The following TFB1M variants were observed in gnomAD, a reference collection of about 807,000 sequenced individuals.
The protein encoded by TFB1M is dimethyladenosine transferase 1, mitochondrial.
In TFB1M, 27 loss-of-function variants were observed where a neutral mutation model predicts 31.1. The observed-to-expected ratio is 0.87, with a 90% CI of 0.64 to 1.20. The LOEUF is 1.20. Ranked by LOEUF, TFB1M falls within the 50% of genes most tolerant of loss-of-function variation. TFB1M has a pLI of 0.00. For synonymous variants in TFB1M, 166 were observed against 151.8 expected, an observed-to-expected ratio of 1.09 and a Z score of -0.69; for missense variants, 394 against 418.7, an observed-to-expected ratio of 0.94 and a Z score of 0.51.
chr6:155,233,225 A>G, the TFB1M span, among the ~76,000 whole-genome samples: 1 of 152,232 alleles, frequency 6.6e-6, no homozygotes, highest in Non-Finnish European at 1.5e-5. Context: ...ACGCACAGGA[A>G]AGTTGAAAGG....
At chr6:155,259,301 C>T (rs1045223957) in intron 6 of TFB1M, among the ~76,000 whole-genome samples, 2 of 152,218 alleles carry the variant, frequency 1.3e-5, no homozygotes, top group Non-Finnish European at 2.9e-5. Context: ...ACCAGCTCTG[C>T]ACCTTAAGTC....
chr6:155,271,887 T>G (rs981430301), intron 5 of TFB1M, among the ~76,000 whole-genome samples: 1 of 152,210 alleles, frequency 6.6e-6, no homozygotes, highest in African/African-American at 2.4e-5. Context: ...CTTTCAGGTT[T>G]CAACAAATCC....
intron 5 of TFB1M, 110 bp from the exon 6 acceptor site, chr6:155,260,510 CAT>C (rs2114664649): frequency 7.2e-7 from 1 of 1,396,004 alleles, no homozygotes; most frequent in East Asian, 2.3e-5. Context: ...AGCCTGTTTT[CAT>C]AAACAGACCT....
rs1413793818 is a variant in TFB1M at position 155,305,481 on chromosome 6, TTA to T, written c.285+5705_285+5706del. ...TTTATATATATAAATATATATTAAA[TTA>T]TATATATAAATATATATTAAATTAT... On this transcript the variant is annotated intron_variant, in intron 2 of 6. Transcript: ENST00000367166. Among the ~76,000 whole-genome samples, 10 of 21,878 alleles carry T rather than the reference TTA, an allele frequency of 4.6e-4. 2 individuals carry two copies. Among genetic ancestry groups the T allele is most frequent in the Admixed American group, 9.6e-4 (1 of 1,042 alleles). The allele number at this position is 21,878 out of a possible 152,430, so 14.4% of individuals were successfully genotyped here. A position where few individuals can be genotyped will look rare whatever the true frequency, so the allele number is the denominator to read the frequency against.
chr6:155,286,595 G>GTA (rs1166015052), intron 4 of TFB1M, among the ~76,000 whole-genome samples: 1 of 145,864 alleles, frequency 6.9e-6, no homozygotes, highest in African/African-American at 2.5e-5. Context: ...GTATATGTGT[G>GTA]TATATATGTG....
chr6:155,231,589 C>T, the TFB1M span, among the ~76,000 whole-genome samples: 1 of 152,226 alleles, frequency 6.6e-6, no homozygotes, highest in African/African-American at 2.4e-5. Flanking sequence ...CCAGGAGAAA[C>T]TGGATGTGGT....
At chr6:155,266,963 T>C (rs532891487) in intron 5 of TFB1M, among the ~76,000 whole-genome samples, 1 of 145,944 alleles carries the variant, frequency 6.9e-6, no homozygotes, top group African/African-American at 2.5e-5. Flanking sequence ...CTAGAATACT[T>C]TGCTGCCTTT....
At chr6:155,231,048 G>C in the TFB1M span, among the ~76,000 whole-genome samples, 39 of 151,776 alleles carry the variant, frequency 2.6e-4, no homozygotes, top group Admixed American at 8.5e-4. Flanking sequence ...CACCATGTTG[G>C]CCAGGCTGGT....
chr6:155,255,563 A>G (rs1783946342), downstream of TFB1M: 1 of 152,180 alleles, frequency 6.6e-6, no homozygotes, highest in Non-Finnish European at 1.5e-5. Context: ...ATTACTTTGT[A>G]GAAACACCAA....
chr6:155,266,529 C>T (rs1298779666), intron 5 of TFB1M, among the ~76,000 whole-genome samples: 1 of 152,150 alleles, frequency 6.6e-6, no homozygotes, highest in Admixed American at 6.5e-5. Flanking sequence ...ATACAAACTT[C>T]CCCAGTCTCG....
At chr6:155,288,630 T>C (rs1776771038) in intron 4 of TFB1M, among the ~76,000 whole-genome samples, 1 of 152,228 alleles carries the variant, frequency 6.6e-6, no homozygotes, top group South Asian at 2.1e-4. Context: ...GGGGAATATG[T>C]GTCCCAATCC....
At chr6:155,307,136 T>TAC (rs61677970) in intron 2 of TFB1M, among the ~76,000 whole-genome samples, 11,040 of 147,258 alleles carry the variant, frequency 0.075, 500 homozygotes, top group Non-Finnish European at 0.099. Context: ...CTCAAACACA[T>TAC]ACACACACAC....
At chr6:155,243,715 A>G in the TFB1M span, among the ~76,000 whole-genome samples, 1 of 151,716 alleles carries the variant, frequency 6.6e-6, no homozygotes, top group Non-Finnish European at 1.5e-5. Flanking sequence ...AGTGTGGTGG[A>G]GCACACCTGT....
intron 3 of TFB1M, among the ~76,000 whole-genome samples, chr6:155,297,525 A>G (rs1777232110): frequency 6.6e-6 from 1 of 152,222 alleles, no homozygotes; most frequent in East Asian, 1.9e-4. Context: ...CGTAGGTGGT[A>G]AGTGAAACCA....
chr6:155,250,978 G>C, the TFB1M span: 1 of 1,614,142 alleles, frequency 6.2e-7, no homozygotes, highest in South Asian at 1.1e-5. Context: ...ATCCATTTCT[G>C]TCTCTAGGAA....
downstream of TFB1M, chr6:155,253,906 C>T (rs1032897259): frequency 3.4e-5 from 41 of 1,222,300 alleles, no homozygotes; most frequent in South Asian, 5.5e-4. Flanking sequence ...TTCAACTTTA[C>T]AAGTGTTCTT....
intron 2 of TFB1M, among the ~76,000 whole-genome samples, chr6:155,300,546 A>C (rs1267257456): frequency 6.6e-6 from 1 of 152,244 alleles, no homozygotes; most frequent in East Asian, 1.9e-4. Context: ...TTATGTTCAC[A>C]AAGTTAAAAC....
chr6:155,245,469 G>A, the TFB1M span, among the ~76,000 whole-genome samples: 17 of 152,200 alleles, frequency 1.1e-4, no homozygotes, highest in East Asian at 7.7e-4. Context: ...CGCCTGGGCT[G>A]TTCCCCACCT....
intron 5 of TFB1M, among the ~76,000 whole-genome samples, chr6:155,261,637 CTG>C (rs1187862299): frequency 6.6e-5 from 10 of 152,202 alleles, no homozygotes; most frequent in Admixed American, 2.0e-4. Context: ...GGTGCCTGAG[CTG>C]TGTCATCAAG....
Sources: gnomAD v4.1 joint callset for allele counts (sites outside exome capture counted in the v4.1 genomes callset) on GRCh38, gnomAD v4.1.1 for gene constraint, MANE v1.5 for transcripts, NCBI Gene and HGNC (gene_info 2026-07-23, HGNC 2026-07-21) for gene names.